Variants in CNTN1 observed in about 807,000 individuals in gnomAD.
The protein encoded by CNTN1 is contactin-1.
A neutral mutation model predicts 126.4 loss-of-function variants in CNTN1; 38 were observed. The ratio of observed to expected loss-of-function variants is 0.30; its 90% CI spans 0.23 to 0.39. The LOEUF (loss-of-function observed/expected upper bound fraction) is 0.39. CNTN1 is among the 10% of genes least tolerant of loss of function. CNTN1 has a pLI of 1.00. For synonymous variants in CNTN1, 413 were observed against 422.6 expected, an observed-to-expected ratio of 0.98 and a Z score of 0.28; for missense variants, 1,009 against 1,248.4, an observed-to-expected ratio of 0.81 and a Z score of 2.89.
intron 1 of CNTN1, among the ~76,000 whole-genome samples, chr12:40,868,515 A>G (rs1333969686): frequency 2.0e-5 from 3 of 152,120 alleles, no homozygotes; most frequent in Non-Finnish European, 4.4e-5. Context: ...GTAATTAAGG[A>G]TGCTGAAAAC....
chr12:40,759,612 C>T (rs1938762849), intron 1 of CNTN1, among the ~76,000 whole-genome samples: 1 of 151,660 alleles, frequency 6.6e-6, no homozygotes. Flanking sequence ...ACCACAGGCA[C>T]CCACCATCAT....
At chr12:40,705,975 C>T (rs1941728521) in intron 1 of CNTN1, among the ~76,000 whole-genome samples, 2 of 152,012 alleles carry the variant, frequency 1.3e-5, no homozygotes, top group African/African-American at 4.8e-5. Flanking sequence ...CTAAACCATT[C>T]ATGAGAAATC....
At chr12:40,879,829 T>A (rs1401695576) in intron 1 of CNTN1, among the ~76,000 whole-genome samples, 1 of 152,174 alleles carries the variant, frequency 6.6e-6, no homozygotes, top group African/African-American at 2.4e-5. Context: ...TGAAACTTTA[T>A]GTCCTTGTTT....
At chr12:40,848,366 A>T (rs1025136548) in intron 1 of CNTN1, among the ~76,000 whole-genome samples, 25 of 152,170 alleles carry the variant, frequency 1.6e-4, no homozygotes, top group African/African-American at 5.8e-4. Flanking sequence ...TCTAGGCTAG[A>T]TTATTAATTC....
intron 1 of CNTN1, 107 bp from the exon 2 acceptor site, chr12:40,908,250 A>G (rs1236660323): frequency 3.5e-6 from 2 of 574,698 alleles, no homozygotes. Flanking sequence ...AATGATGAAC[A>G]TTTCCAATTT....
chr12:40,741,012 A>G (rs767808876), intron 1 of CNTN1, among the ~76,000 whole-genome samples: 1 of 151,926 alleles, frequency 6.6e-6, no homozygotes. Flanking sequence ...TACCCCTCCT[A>G]TACACCTGGC....
chr12:40,770,968 T>C (rs1210051412), intron 1 of CNTN1, among the ~76,000 whole-genome samples: 2 of 152,136 alleles, frequency 1.3e-5, no homozygotes, highest in African/African-American at 4.8e-5. Context: ...TGTTTCAATT[T>C]TAATTCATTG....
intron 1 of CNTN1, among the ~76,000 whole-genome samples, chr12:40,814,388 G>A (rs982788741): frequency 5.3e-5 from 8 of 152,148 alleles, no homozygotes; most frequent in Admixed American, 5.2e-4. Context: ...ACGTAAGGAC[G>A]GAGTCCAGTT....
At chr12:41,047,466 T>C (rs1949569797) in intron 23 of CNTN1, among the ~76,000 whole-genome samples, 1 of 152,066 alleles carries the variant, frequency 6.6e-6, no homozygotes, top group South Asian at 2.1e-4. Flanking sequence ...TCATACCCCT[T>C]GAAGGCTGCA....
chr12:41,020,575 T>C (rs973550629), intron 20 of CNTN1, 135 bp downstream of exon 20: 34 of 636,136 alleles, frequency 5.3e-5, no homozygotes, highest in Non-Finnish European at 8.3e-5. Context: ...TCTAGTATTG[T>C]GGTCATATAT....
chr12:40,775,072 G>A (rs924792971), intron 1 of CNTN1, among the ~76,000 whole-genome samples: 4 of 150,908 alleles, frequency 2.7e-5, no homozygotes, highest in Middle Eastern at 3.2e-3. Flanking sequence ...ACTCTTTTTT[G>A]CTACTGAACA....
At chr12:40,728,621 A>G (rs907936318) in intron 1 of CNTN1, among the ~76,000 whole-genome samples, 3 of 152,208 alleles carry the variant, frequency 2.0e-5, no homozygotes, top group African/African-American at 7.2e-5. Flanking sequence ...AACACCAACA[A>G]TGTTTACCAA....
At chr12:40,971,597 C>A in intron 15 of CNTN1, 1 of 1,523,930 alleles carries the variant, frequency 6.6e-7, no homozygotes. Context: ...CTTGTAGCTT[C>A]TGCAGTTCTC....
chr12:40,946,571 T>A (rs1946441428), intron 14 of CNTN1, among the ~76,000 whole-genome samples: 1 of 152,086 alleles, frequency 6.6e-6, no homozygotes, highest in Non-Finnish European at 1.5e-5. Context: ...CAGATGTAAA[T>A]GTTTTTTGGT....
chr12:40,810,068 T>C (rs933114933), intron 1 of CNTN1, among the ~76,000 whole-genome samples: 2 of 152,104 alleles, frequency 1.3e-5, no homozygotes, highest in Non-Finnish European at 2.9e-5. Flanking sequence ...TTAAAAAATA[T>C]ATGCAAAAGT....
At chr12:40,827,727 G>A (rs1388354006) in intron 1 of CNTN1, among the ~76,000 whole-genome samples, 1 of 151,892 alleles carries the variant, frequency 6.6e-6, no homozygotes, top group Non-Finnish European at 1.5e-5. Context: ...AGGGTTGGAG[G>A]CTTCTGCCTA....
chr12:40,792,188 T>C (rs1433873122), intron 1 of CNTN1, among the ~76,000 whole-genome samples: 2 of 152,050 alleles, frequency 1.3e-5, no homozygotes, highest in East Asian at 3.9e-4. Flanking sequence ...AAATAACACA[T>C]GAGTTGAGCT....
At chr12:40,888,333 A>G (rs1944125364) in intron 1 of CNTN1, among the ~76,000 whole-genome samples, 1 of 152,160 alleles carries the variant, frequency 6.6e-6, no homozygotes, top group Non-Finnish European at 1.5e-5. Flanking sequence ...TGTACTTTAT[A>G]TATATTTCTA....
At chr12:40,898,170 T>TG (rs1180629029) in intron 1 of CNTN1, among the ~76,000 whole-genome samples, 4 of 152,054 alleles carry the variant, frequency 2.6e-5, no homozygotes, top group South Asian at 2.1e-4. Context: ...TTATATGATG[T>TG]GGGGGGTATA....
Sources: gnomAD v4.1 joint callset for allele counts (sites outside exome capture counted in the v4.1 genomes callset) on GRCh38, gnomAD v4.1.1 for gene constraint, MANE v1.5 for transcripts, NCBI Gene and HGNC (gene_info 2026-07-23, HGNC 2026-07-21) for gene names.